CDH13: variants seen among roughly 807,000 people sequenced by gnomAD.
CDH13 encodes the protein cadherin-13.
Under a neutral mutation model 63.8 loss-of-function variants are expected in CDH13, and 24 were observed. The ratio of observed to expected loss-of-function variants is 0.38; its 90% CI spans 0.27 to 0.53. CDH13 has a LOEUF of 0.53. CDH13 is among the 20% of genes least tolerant of loss of function. The pLI is 0.85. For synonymous variants in CDH13, 503 were observed against 355.3 expected (o/e 1.42, Z -4.67); for missense variants, 1,049 against 903.1 (o/e 1.16, Z -2.07).
At chr16:82,921,104 G>T (rs2042140001) in intron 2 of CDH13, among the ~76,000 whole-genome samples, 1 of 152,134 alleles carries the variant, frequency 6.6e-6, no homozygotes, top group Non-Finnish European at 1.5e-5. Context: ...TTTCCTTGAG[G>T]TGTACAATCC....
chr16:82,898,386 A>G (rs2041340643), intron 2 of CDH13, among the ~76,000 whole-genome samples: 1 of 152,198 alleles, frequency 6.6e-6, no homozygotes, highest in South Asian at 2.1e-4. Flanking sequence ...TTAGCCGGGC[A>G]TGCTGGCATG....
chr16:83,329,071 G>A (rs185224673), intron 5 of CDH13, among the ~76,000 whole-genome samples: 42 of 152,246 alleles, frequency 2.8e-4, no homozygotes, highest in Admixed American at 3.9e-4. Context: ...GAGCTTCCCC[G>A]AAGCACAAAT....
intron 6 of CDH13, among the ~76,000 whole-genome samples, chr16:83,393,647 ATCAT>A (rs1476113074): frequency 2.6e-5 from 4 of 152,334 alleles, no homozygotes; most frequent in Non-Finnish European, 2.9e-5. Context: ...AATCGAATCA[ATCAT>A]TCATTCAATT....
At chr16:83,104,788 A>G (rs1307905284) in intron 3 of CDH13, among the ~76,000 whole-genome samples, 1 of 152,190 alleles carries the variant, frequency 6.6e-6, no homozygotes, top group South Asian at 2.1e-4. Flanking sequence ...CTAATTTTAG[A>G]GTTTGCAGCC....
intron 1 of CDH13, among the ~76,000 whole-genome samples, chr16:82,799,183 T>C (rs927977447): frequency 2.0e-4 from 31 of 152,324 alleles, no homozygotes; most frequent in Admixed American, 2.0e-3. Flanking sequence ...ATGATGTTTG[T>C]AAGGGGGTGA....
intron 11 of CDH13, among the ~76,000 whole-genome samples, chr16:83,749,934 G>T (rs1057460104): frequency 6.6e-6 from 1 of 152,190 alleles, no homozygotes. Flanking sequence ...TTCTGGTGTT[G>T]AGTTAGTTGG....
chr16:83,703,816 T>C (rs939986639), intron 10 of CDH13, among the ~76,000 whole-genome samples: 1 of 152,282 alleles, frequency 6.6e-6, no homozygotes, highest in Admixed American at 6.5e-5. Flanking sequence ...AGGACTCAAA[T>C]GCTTGCCTAG....
intron 6 of CDH13, among the ~76,000 whole-genome samples, chr16:83,472,297 G>T (rs2073476021): frequency 6.6e-6 from 1 of 152,224 alleles, no homozygotes; most frequent in Non-Finnish European, 1.5e-5. Context: ...GAGTCTGGAT[G>T]GGAGGCCAGT....
intron 8 of CDH13, among the ~76,000 whole-genome samples, chr16:83,612,695 G>C (rs960774645): frequency 2.6e-5 from 4 of 151,680 alleles, no homozygotes; most frequent in Admixed American, 2.6e-4. Flanking sequence ...TATTCTTGTA[G>C]TGGGTTCTGA....
chr16:83,713,403 G>A lies in CDH13; in HGVS notation c.1539-34705G>A, dbSNP rs566722512. ...TGACAAAGCCACACTGGTTTGTAAT[G>A]AGCATTGCATTCTTTTATACAGAGT... On this transcript the variant is annotated intron_variant, in intron 10 of 13. Transcript: ENST00000567109. Among the ~76,000 whole-genome samples the A allele has an allele frequency of 6.2e-4, 94 of 152,126 alleles. No homozygotes were observed. The South Asian group carries it at 0.01, about 17-fold the overall frequency.
intron 7 of CDH13, among the ~76,000 whole-genome samples, chr16:83,562,107 G>C (rs2075720328): frequency 6.6e-6 from 1 of 152,148 alleles, no homozygotes; most frequent in Admixed American, 6.5e-5. Flanking sequence ...TCAGACTAGT[G>C]CAAAAGTCTG....
chr16:83,249,481 G>C (rs1479946075), intron 5 of CDH13, among the ~76,000 whole-genome samples: 1 of 152,132 alleles, frequency 6.6e-6, no homozygotes, highest in East Asian at 1.9e-4. Context: ...AACTTTCTCT[G>C]CTTGAGGCAC....
intron 5 of CDH13, among the ~76,000 whole-genome samples, chr16:83,291,828 A>G (rs543520188): frequency 4.9e-4 from 74 of 152,266 alleles, no homozygotes; most frequent in Admixed American, 1.1e-3. Flanking sequence ...TTCATCTTGT[A>G]CGTTTGGTCT....
At chr16:82,821,011 C>T (rs1473561937) in intron 1 of CDH13, among the ~76,000 whole-genome samples, 2 of 152,040 alleles carry the variant, frequency 1.3e-5, no homozygotes, top group Non-Finnish European at 2.9e-5. Flanking sequence ...TTAGATGAGG[C>T]CATCAGTTAC....
chr16:82,900,285 C>T (rs1040445383), intron 2 of CDH13, among the ~76,000 whole-genome samples: 1 of 152,152 alleles, frequency 6.6e-6, no homozygotes, highest in African/African-American at 2.4e-5. Context: ...AGTGAATGAG[C>T]ACAGCATAAA....
chr16:83,088,707 G>A (rs2033739052), intron 3 of CDH13, among the ~76,000 whole-genome samples: 1 of 152,160 alleles, frequency 6.6e-6, no homozygotes, highest in South Asian at 2.1e-4. Flanking sequence ...CATGTTTAAA[G>A]CTGTTTATGT....
chr16:83,171,337 C>A (rs1188682365), intron 4 of CDH13, among the ~76,000 whole-genome samples: 1 of 152,084 alleles, frequency 6.6e-6, no homozygotes, highest in East Asian at 1.9e-4. Flanking sequence ...GGTCCTAAAC[C>A]ATTCATGGAG....
intron 1 of CDH13, among the ~76,000 whole-genome samples, chr16:82,856,306 C>T (rs1482946919): frequency 6.2e-5 from 9 of 145,004 alleles, no homozygotes; most frequent in Non-Finnish European, 1.3e-4. Flanking sequence ...AAGCTGGGGG[C>T]GGAGCTTGCA....
At chr16:82,897,283 G>C (rs1030285070) in intron 2 of CDH13, among the ~76,000 whole-genome samples, 4 of 152,188 alleles carry the variant, frequency 2.6e-5, no homozygotes, top group Non-Finnish European at 5.9e-5. Context: ...AGCAGCTGGG[G>C]TAGCTGATCA....
Sources: allele counts gnomAD v4.1 joint callset (sites outside exome capture counted in the v4.1 genomes callset), GRCh38; gene constraint gnomAD v4.1.1; transcripts MANE v1.5; gene names NCBI Gene and HGNC (gene_info 2026-07-23, HGNC 2026-07-21).